Variants in CHD2 observed in about 807,000 individuals in gnomAD.
The protein encoded by CHD2 is ATP-dependent chromatin remodeler CHD2.
Under a neutral mutation model 243.9 loss-of-function variants are expected in CHD2, and 28 were observed. The ratio of observed to expected loss-of-function variants is 0.11; its 90% CI spans 0.09 to 0.16. The LOEUF is 0.16. CHD2 is among the 10% of genes least tolerant of loss of function. The probability of loss-of-function intolerance (pLI) is 1.00; values close to 1 mark genes in which losing one functional copy is unlikely to be tolerated. For missense variants in CHD2, 1,386 were observed against 2,209.8 expected, an observed-to-expected ratio of 0.63 and a Z score of 7.47; for synonymous variants, 775 against 779.0, an observed-to-expected ratio of 0.99 and a Z score of 0.09.
intron 16 of CHD2, among the ~76,000 whole-genome samples, chr15:92,957,449 T>C (rs898761621): frequency 6.6e-6 from 1 of 152,224 alleles, no homozygotes; most frequent in Non-Finnish European, 1.5e-5. Flanking sequence ...AGACATCTTA[T>C]CCCTAACCTG....
At chr15:92,968,925 A>G (rs1596416768) in intron 17 of CHD2, among the ~76,000 whole-genome samples, 3 of 152,190 alleles carry the variant, frequency 2.0e-5, no homozygotes, top group Non-Finnish European at 4.4e-5. Flanking sequence ...TTTCTTTGCT[A>G]TCTGGAATGA....
At chr15:93,007,892 T>A (rs1172484223) in intron 34 of CHD2, among the ~76,000 whole-genome samples, 1 of 152,250 alleles carries the variant, frequency 6.6e-6, no homozygotes, top group African/African-American at 2.4e-5. Context: ...CTCGAATATC[T>A]TTATACTTCT....
chr15:92,995,624 G>A (rs2054177727), intron 28 of CHD2, among the ~76,000 whole-genome samples: 1 of 152,116 alleles, frequency 6.6e-6, no homozygotes, highest in South Asian at 2.1e-4. Flanking sequence ...ATTCTACCAT[G>A]TAGATAGATG....
chr15:92,980,307 C>G (rs980250062), intron 22 of CHD2, among the ~76,000 whole-genome samples: 2 of 151,492 alleles, frequency 1.3e-5, no homozygotes, highest in African/African-American at 2.4e-5. Context: ...GTGATAGGCC[C>G]ACCTCAGCCC....
intron 25 of CHD2, among the ~76,000 whole-genome samples, chr15:92,985,201 A>G (rs2054027013): frequency 6.6e-6 from 1 of 152,234 alleles, no homozygotes; most frequent in African/African-American, 2.4e-5. Flanking sequence ...ACAAAGAGTA[A>G]AATTACTTGC....
In CHD2 at chr15:92,901,228, G is replaced by A. The variant is rs2052524173; in HGVS notation, c.-10G>A. On this transcript the variant is annotated 5_prime_UTR_variant, in exon 2 of 39. Coordinates refer to ENST00000394196, the MANE Select transcript of CHD2 (RefSeq NM_001271.4). ...ATTCCCCCTCCCCCTTAATATTTAA[G>A]AATTAAAAGATGATGAGAAATAAGG... 2 of 1,555,322 alleles carry A rather than the reference G, an allele frequency of 1.3e-6. No homozygotes were observed. The highest frequency in any genetic ancestry group is 1.4e-5 in the African/African-American group (1 of 73,528).
At chr15:92,970,913 G>C (rs2053832806) in intron 17 of CHD2, among the ~76,000 whole-genome samples, 1 of 152,112 alleles carries the variant, frequency 6.6e-6, no homozygotes, top group African/African-American at 2.4e-5. Flanking sequence ...CTATTTTGGA[G>C]TTTGTGGTTA....
At chr15:92,911,150 G>A (rs1475673093) in intron 2 of CHD2, among the ~76,000 whole-genome samples, 1 of 152,204 alleles carries the variant, frequency 6.6e-6, no homozygotes, top group Admixed American at 6.5e-5. Context: ...CAAGTCAGTA[G>A]GCGAAATGAT....
intron 2 of CHD2, among the ~76,000 whole-genome samples, chr15:92,920,126 A>G (rs1454665567): frequency 6.6e-6 from 1 of 151,666 alleles, no homozygotes; most frequent in Non-Finnish European, 1.5e-5. Flanking sequence ...ACACATAGAT[A>G]TATGCTGACA....
At chr15:92,992,158 G>T (rs757139760) in intron 27 of CHD2, among the ~76,000 whole-genome samples, 1 of 152,200 alleles carries the variant, frequency 6.6e-6, no homozygotes, top group African/African-American at 2.4e-5. Flanking sequence ...TAAACTTCTT[G>T]AGTGGGTGAA....
intron 16 of CHD2, among the ~76,000 whole-genome samples, chr15:92,966,618 A>C (rs2053767089): frequency 6.6e-6 from 1 of 152,118 alleles, no homozygotes; most frequent in Admixed American, 6.6e-5. Context: ...ACAATACCTG[A>C]TAAAATGTAT....
In CHD2 at chr15:92,961,013, T is replaced by G. The variant is rs575999091; in HGVS notation, c.2000+4364T>G. 7.2e-4 allele frequency among the ~76,000 whole-genome samples: 110 copies of G among 152,270 alleles called. 1 individual carries two copies. Among genetic ancestry groups the G allele is most frequent in the African/African-American group, 2.6e-3 (106 of 41,544 alleles). Reference sequence around the variant, plus strand: ...TGCTGGGATTACAGGCGTGAGCCACTGTGCCTGGCCGCATTTGTGTTTTTT... The same window carrying G: ...TGCTGGGATTACAGGCGTGAGCCACGGTGCCTGGCCGCATTTGTGTTTTTT... On this transcript the variant is annotated intron_variant, in intron 16 of 38. Transcript: ENST00000394196.
At chr15:92,907,786 TCTTA>T (rs1050241466) in intron 2 of CHD2, among the ~76,000 whole-genome samples, 1 of 152,170 alleles carries the variant, frequency 6.6e-6, no homozygotes, top group African/African-American at 2.4e-5. Context: ...GTTATTTTAT[TCTTA>T]CTGTTTGTTT....
At chr15:92,993,092 C>T in intron 28 of CHD2, 94 bp downstream of exon 28, 1 of 1,273,650 alleles carries the variant, frequency 7.9e-7, no homozygotes, top group South Asian at 1.3e-5. Context: ...GGCTTGAGGA[C>T]CACACATGCC....
chr15:93,006,592 C>CCT (rs2054325246), intron 34 of CHD2, among the ~76,000 whole-genome samples: 3 of 152,202 alleles, frequency 2.0e-5, no homozygotes. Flanking sequence ...CCACAACACT[C>CCT]CTGTGAGGTA....
chr15:92,982,573 G>A (rs2053993264), intron 24 of CHD2, among the ~76,000 whole-genome samples: 2 of 152,198 alleles, frequency 1.3e-5, no homozygotes, highest in African/African-American at 4.8e-5. Context: ...GTGACAGCTT[G>A]GAAGGAAGGA....
intron 8 of CHD2, among the ~76,000 whole-genome samples, 153 bp from the exon 9 acceptor site, chr15:92,942,690 G>A (rs899851338): frequency 2.0e-5 from 3 of 152,090 alleles, no homozygotes; most frequent in Non-Finnish European, 2.9e-5. Flanking sequence ...GATTGAGTCC[G>A]TTCTGTGTTG....
At position 92,946,109 on chromosome 15, in the gene CHD2, G is replaced by T; in HGVS notation, c.1270G>T (p.Glu424Ter). ...LCKWMGLPYS[E>*]CSWEDEALIG... ...TAAATGGATGGGACTCCCCTATTCAGAGTGTAGCTGGGAAGATGAAGCCCT... is the reference window on the plus strand; with the variant it reads ...TAAATGGATGGGACTCCCCTATTCATAGTGTAGCTGGGAAGATGAAGCCCT... Residue 424 changes from glutamate (E) to a stop codon, truncating the protein, a stop_gained, in exon 12 of 39, where the codon GAG (glutamate) becomes TAG (stop). Coordinates refer to ENST00000394196, the MANE Select transcript of CHD2 (RefSeq NM_001271.4). LOFTEE classifies it high-confidence loss of function. 1 of 1,612,906 alleles carries T rather than the reference G, an allele frequency of 6.2e-7. No individual in the cohort carries two copies. Among genetic ancestry groups the T allele is most frequent in the Non-Finnish European group, 8.5e-7 (1 of 1,179,182 alleles).
intron 34 of CHD2, among the ~76,000 whole-genome samples, chr15:93,008,436 A>G (rs533366038): frequency 2.6e-5 from 4 of 152,264 alleles, no homozygotes; most frequent in Admixed American, 6.5e-5. Context: ...ACCGCTCCCC[A>G]TTTTAGCCCT....
Sources: gnomAD v4.1 joint callset for allele counts (sites outside exome capture counted in the v4.1 genomes callset) on GRCh38, gnomAD v4.1.1 for gene constraint, MANE v1.5 for transcripts, NCBI Gene and HGNC (gene_info 2026-07-23, HGNC 2026-07-21) for gene names.